Variants in FGL1 observed in about 807,000 individuals in gnomAD.
FGL1 encodes the protein fibrinogen like 1.
FGL1 carries 59 observed loss-of-function variants against 43.7 expected under a neutral mutation model. The observed-to-expected ratio is 1.35, with a 90% CI of 1.10 to 1.68. The LOEUF (loss-of-function observed/expected upper bound fraction) is 1.68. Ranked by LOEUF, FGL1 falls within the 40% of genes most tolerant of loss-of-function variation. The pLI is 0.00. For synonymous variants in FGL1, 192 were observed against 126.5 expected (o/e 1.52, Z -3.48); for missense variants, 596 against 373.0 (o/e 1.60, Z -4.92).
chr8:17,868,385 T>C (rs2053302824), intron 7 of FGL1, 163 bp downstream of exon 7: 1 of 485,766 alleles, frequency 2.1e-6, no homozygotes, highest in South Asian at 8.1e-5. Context: ...GAACAAATCC[T>C]CAAAACGACT....
intron 1 of FGL1, among the ~76,000 whole-genome samples, chr8:17,888,561 C>A (rs1031101524): frequency 1.1e-4 from 17 of 152,280 alleles, no homozygotes; most frequent in African/African-American, 4.1e-4. Context: ...ATGTTAGGAG[C>A]AAATACATTT....
intron 2 of FGL1, among the ~76,000 whole-genome samples, chr8:17,883,729 C>G (rs1418913908): frequency 1.4e-5 from 2 of 147,686 alleles, no homozygotes; most frequent in African/African-American, 4.9e-5. Context: ...TCCCCTCCCT[C>G]CCATCTCTAG....
intron 3 of FGL1, among the ~76,000 whole-genome samples, chr8:17,877,818 A>T (rs2053478669): frequency 6.6e-6 from 1 of 152,216 alleles, no homozygotes; most frequent in Admixed American, 6.5e-5. Context: ...AATTAAATTA[A>T]TATTGAGAGA....
chr8:17,874,093 C>G lies in FGL1; in HGVS notation c.428G>C (p.Gly143Ala). The G allele has an allele frequency of 6.2e-7, 1 of 1,610,276 alleles. No individual in the cohort carries two copies. Among genetic ancestry groups the G allele is most frequent in the Non-Finnish European group, 8.5e-7 (1 of 1,178,942 alleles). Reference sequence around the variant, plus strand: ...ATGTTTTTGGACAAAATTTCCAAAGCCATTTTCATAGTCTTTCCATCCTCT... The same window carrying G: ...ATGTTTTTGGACAAAATTTCCAAAGGCATTTTCATAGTCTTTCCATCCTCT... ...FNRGWKDYENGFGNFVQKHGE... is the reference protein window; with the variant it reads ...FNRGWKDYENAFGNFVQKHGE... The change falls in exon 5 of 8, where the codon GGC becomes GCC. Residue 143 changes from glycine (G) to alanine (A), a missense_variant. Physicochemically the swap from Gly to Ala is moderately conservative, Grantham distance 60 (BLOSUM62 0). Coordinates refer to ENST00000427924, the MANE Select transcript of FGL1 (RefSeq NM_004467.4).
chr8:17,868,848 G>A (rs2053312739), intron 6 of FGL1, 68 bp downstream of exon 6: 1 of 1,457,162 alleles, frequency 6.9e-7, no homozygotes, highest in African/African-American at 1.4e-5. Context: ...TATTTCCACT[G>A]ACTCCAGGGT....
intron 7 of FGL1, among the ~76,000 whole-genome samples, chr8:17,866,163 A>G (rs1053981402): frequency 6.6e-6 from 1 of 152,212 alleles, no homozygotes; most frequent in Non-Finnish European, 1.5e-5. Flanking sequence ...TGTGATGAAC[A>G]TAAGAAACCT....
At chr8:17,883,641 A>G (rs1263334637) in intron 2 of FGL1, among the ~76,000 whole-genome samples, 2 of 144,946 alleles carry the variant, frequency 1.4e-5, no homozygotes, top group South Asian at 2.1e-4. Flanking sequence ...TCAAATACAT[A>G]TGCATATATA....
At chr8:17,889,670 C>T (rs1476847146) in intron 1 of FGL1, among the ~76,000 whole-genome samples, 2 of 152,186 alleles carry the variant, frequency 1.3e-5, no homozygotes, top group Admixed American at 6.5e-5. Context: ...TCTCCAGGAC[C>T]ATTCAGCCTC....
At position 17,885,519 on chromosome 8, in the gene FGL1, G is replaced by T; in HGVS notation, c.36C>A (p.Thr12=). 1 of 1,613,444 alleles carries T rather than the reference G, an allele frequency of 6.2e-7. No homozygotes were observed. ...AAATTTCCCTGCCCATTGTCAGAGC[G>T]GTGGTAACAAGGATGAAACTGAACA... The part of the protein sequence containing the change: ...AKVFSFILVT[T]ALTMGREISA... The change falls in exon 2 of 8, where the codon ACC becomes ACA. Residue 12 remains threonine, a synonymous_variant. Transcript: ENST00000427924.
chr8:17,883,143 A>C (rs1196651837), intron 2 of FGL1, among the ~76,000 whole-genome samples: 2 of 98,180 alleles, frequency 2.0e-5, no homozygotes, highest in African/African-American at 8.6e-5. Context: ...AATAATATAT[A>C]ATATATATCA....
chr8:17,876,017 C>A (rs7843715), intron 3 of FGL1, among the ~76,000 whole-genome samples: 83,115 of 151,950 alleles, frequency 0.55, 24,533 homozygotes, highest in Non-Finnish European at 0.68. Context: ...ATGGGGACCT[C>A]TCTATTGTTC....
At chr8:17,871,503 C>CA (rs1380398006) in intron 5 of FGL1, among the ~76,000 whole-genome samples, 4,234 of 114,250 alleles carry the variant, frequency 0.037, 134 homozygotes, top group African/African-American at 0.094. Flanking sequence ...AAAAAAAAAA[C>CA]AAAAAAAAAA....
At chr8:17,878,183 C>G (rs1167002994) in intron 3 of FGL1, among the ~76,000 whole-genome samples, 2 of 152,082 alleles carry the variant, frequency 1.3e-5, no homozygotes, top group African/African-American at 4.8e-5. Context: ...AAATCCTGGC[C>G]TCAAGTGTTC....
intron 1 of FGL1, among the ~76,000 whole-genome samples, chr8:17,892,545 A>G (rs780334682): frequency 2.5e-4 from 38 of 152,190 alleles, no homozygotes; most frequent in Non-Finnish European, 4.3e-4. Context: ...GGAAATCAGC[A>G]TAACGACATG....
At chr8:17,883,442 A>G (rs2053579931) in intron 2 of FGL1, among the ~76,000 whole-genome samples, 2 of 96,362 alleles carry the variant, frequency 2.1e-5, no homozygotes, top group Non-Finnish European at 4.1e-5. Flanking sequence ...ATATATGAAT[A>G]TAAATGAATA....
chr8:17,886,066 GC>G (rs1053572271), intron 1 of FGL1, among the ~76,000 whole-genome samples: 61 of 152,272 alleles, frequency 4.0e-4, no homozygotes, highest in African/African-American at 1.4e-3. Context: ...ATTTTTGAAA[GC>G]AAAGGTCACA....
intron 3 of FGL1, among the ~76,000 whole-genome samples, chr8:17,878,308 C>T (rs1423531516): frequency 2.0e-5 from 3 of 152,202 alleles, no homozygotes; most frequent in African/African-American, 7.2e-5. Context: ...ACACAGCATT[C>T]TTATTCTCAT....
intron 1 of FGL1, among the ~76,000 whole-genome samples, chr8:17,892,610 T>C (rs1369842399): frequency 1.3e-5 from 2 of 152,184 alleles, no homozygotes; most frequent in Non-Finnish European, 2.9e-5. Context: ...TGACTGAAAA[T>C]AACCAATGTA....
intron 1 of FGL1, among the ~76,000 whole-genome samples, chr8:17,889,067 G>A (rs1237335361): frequency 6.6e-6 from 1 of 152,088 alleles, no homozygotes; most frequent in Non-Finnish European, 1.5e-5. Context: ...GCGTGGCCTG[G>A]GGCATTATAT....
Sources: allele counts gnomAD v4.1 joint callset (sites outside exome capture counted in the v4.1 genomes callset), GRCh38; gene constraint gnomAD v4.1.1; transcripts MANE v1.5; gene names NCBI Gene and HGNC (gene_info 2026-07-23, HGNC 2026-07-21).